Variants in SUGCT observed in about 807,000 individuals in gnomAD.
SUGCT encodes succinyl-CoA:glutarate CoA-transferase.
A neutral mutation model predicts 55.0 loss-of-function variants in SUGCT; 41 were observed. That is an observed-to-expected ratio of 0.74 (90% confidence interval 0.58 to 0.97). The LOEUF is 0.97. SUGCT is among the 50% of genes least tolerant of loss of function. SUGCT has a pLI of 0.00. For missense variants in SUGCT, 568 were observed against 547.8 expected, an observed-to-expected ratio of 1.04 and a Z score of -0.37; for synonymous variants, 187 against 200.4, an observed-to-expected ratio of 0.93 and a Z score of 0.56.
At chr7:40,516,696 C>A (rs956034295) in intron 12 of SUGCT, among the ~76,000 whole-genome samples, 2 of 152,034 alleles carry the variant, frequency 1.3e-5, no homozygotes, top group Admixed American at 6.5e-5. Flanking sequence ...TATATCTATC[C>A]TTTTGCCCAT....
At position 40,410,616 on chromosome 7, in the gene SUGCT, G is replaced by GT. The variant is rs201488173; in HGVS notation, c.817-38664dup. Among the ~76,000 whole-genome samples the GT allele has an allele frequency of 5.5e-3, 837 of 152,194 alleles. 3 individuals carry two copies. Among genetic ancestry groups the GT allele is most frequent in the African/African-American group, 0.02 (816 of 41,532 alleles). Reference sequence around the variant, plus strand: ...TTTCATAGCACTTGCATATTCATGAGTTTTTTTGTCTTACCTAACTTCTTT... The same window carrying GT: ...TTTCATAGCACTTGCATATTCATGAGTTTTTTTTGTCTTACCTAACTTCTTT... On this transcript the variant is annotated intron_variant, in intron 9 of 13. Coordinates refer to ENST00000335693, the MANE Select transcript of SUGCT (RefSeq NM_001193313.2).
chr7:40,372,836 T>C (rs1784354200), intron 9 of SUGCT, among the ~76,000 whole-genome samples: 1 of 152,000 alleles, frequency 6.6e-6, no homozygotes, highest in Admixed American at 6.6e-5. Context: ...AGCAGGTGCA[T>C]TCTTGCTCAA....
At chr7:40,144,855 C>T (rs966186207) in intron 1 of SUGCT, among the ~76,000 whole-genome samples, 4 of 151,966 alleles carry the variant, frequency 2.6e-5, no homozygotes. Context: ...GATTTTTATA[C>T]CAGAAAAGCT....
chr7:40,161,328 C>T (rs555637593), intron 1 of SUGCT, among the ~76,000 whole-genome samples: 3 of 152,252 alleles, frequency 2.0e-5, no homozygotes, highest in Admixed American at 6.5e-5. Flanking sequence ...TCTATTCCTC[C>T]GTGTTAAATA....
At chr7:40,804,864 G>A (rs1974547) in intron 13 of SUGCT, among the ~76,000 whole-genome samples, 59,816 of 152,066 alleles carry the variant, frequency 0.39, 12,707 homozygotes, top group Middle Eastern at 0.57. Flanking sequence ...CATGTGGAAT[G>A]ATTTAATTCT....
chr7:40,634,786 A>T (rs939280200), intron 12 of SUGCT, among the ~76,000 whole-genome samples: 2 of 152,248 alleles, frequency 1.3e-5, no homozygotes, highest in Non-Finnish European at 2.9e-5. Context: ...CTTTGAAAAG[A>T]TAAAAAAGGA....
chr7:40,278,303 T>G (rs888666371), intron 8 of SUGCT, among the ~76,000 whole-genome samples: 15 of 152,032 alleles, frequency 9.9e-5, no homozygotes, highest in African/African-American at 3.6e-4. Flanking sequence ...TGTGGAGAAA[T>G]AGGAACACTT....
At chr7:40,858,640 A>C (rs193238420) in intron 13 of SUGCT, among the ~76,000 whole-genome samples, 9 of 152,178 alleles carry the variant, frequency 5.9e-5, no homozygotes, top group Non-Finnish European at 1.2e-4. Flanking sequence ...TAAGGGTCAG[A>C]TGCCTAAACC....
chr7:40,791,584 T>A (rs927990055), intron 13 of SUGCT, among the ~76,000 whole-genome samples: 1 of 152,164 alleles, frequency 6.6e-6, no homozygotes, highest in Non-Finnish European at 1.5e-5. Flanking sequence ...AGAAAGATGA[T>A]AGTTTGAGGA....
intron 13 of SUGCT, among the ~76,000 whole-genome samples, chr7:40,816,113 G>A (rs1307358270): frequency 6.6e-6 from 1 of 152,212 alleles, no homozygotes; most frequent in African/African-American, 2.4e-5. Context: ...CCTGAGGCTT[G>A]CAATGTGAGG....
intron 6 of SUGCT, among the ~76,000 whole-genome samples, chr7:40,223,164 G>A (rs1398812877): frequency 6.6e-6 from 1 of 151,852 alleles, no homozygotes; most frequent in Non-Finnish European, 1.5e-5. Flanking sequence ...GTGTTCAAGC[G>A]ATTCTCCTGG....
At chr7:40,137,172 G>A (rs1787744079) in intron 1 of SUGCT, among the ~76,000 whole-genome samples, 1 of 152,098 alleles carries the variant, frequency 6.6e-6, no homozygotes, top group Admixed American at 6.5e-5. Context: ...CTGTCACCGA[G>A]GCTGGAGTGC....
At chr7:40,171,289 G>T (rs6979628) in intron 1 of SUGCT, among the ~76,000 whole-genome samples, 77,553 of 152,082 alleles carry the variant, frequency 0.51, 20,177 homozygotes, top group Middle Eastern at 0.65. Context: ...TGTAAGTACT[G>T]TAAGGCTTGC....
intron 13 of SUGCT, among the ~76,000 whole-genome samples, chr7:40,752,910 A>G (rs1562982114): frequency 1.3e-5 from 2 of 152,084 alleles, no homozygotes; most frequent in South Asian, 2.1e-4. Flanking sequence ...TGGTATGTCT[A>G]TCTTGTTATC....
intron 13 of SUGCT, among the ~76,000 whole-genome samples, chr7:40,752,143 G>A (rs1023395450): frequency 2.0e-5 from 3 of 152,136 alleles, no homozygotes; most frequent in Admixed American, 2.0e-4. Flanking sequence ...TTTGGGCTCA[G>A]CTGGGTAGCT....
intron 12 of SUGCT, among the ~76,000 whole-genome samples, chr7:40,618,741 A>G (rs893448314): frequency 6.6e-6 from 1 of 152,192 alleles, no homozygotes; most frequent in Admixed American, 6.5e-5. Flanking sequence ...GTTGGTATCT[A>G]TTTTATCACT....
intron 9 of SUGCT, among the ~76,000 whole-genome samples, chr7:40,326,197 C>T (rs749997293): frequency 7.9e-5 from 12 of 152,120 alleles, no homozygotes; most frequent in Non-Finnish European, 1.8e-4. Context: ...AAGAACTGGG[C>T]CCTTGATTTC....
At chr7:40,976,002 A>G in the SUGCT span, among the ~76,000 whole-genome samples, 1 of 152,212 alleles carries the variant, frequency 6.6e-6, no homozygotes. Flanking sequence ...CTAAATGGCC[A>G]AACCAGGATC....
the SUGCT span, among the ~76,000 whole-genome samples, chr7:40,975,047 G>A: frequency 6.6e-6 from 1 of 152,216 alleles, no homozygotes; most frequent in Non-Finnish European, 1.5e-5. Context: ...GGCTAAGTGA[G>A]TGAACAAATG....
Sources: allele counts gnomAD v4.1 joint callset (sites outside exome capture counted in the v4.1 genomes callset), GRCh38; gene constraint gnomAD v4.1.1; transcripts MANE v1.5; gene names NCBI Gene and HGNC (gene_info 2026-07-23, HGNC 2026-07-21).